ADAM11: variants seen among roughly 807,000 people sequenced by gnomAD.
ADAM11 encodes ADAM metallopeptidase domain 11.
In ADAM11, 49 loss-of-function variants were observed where a neutral mutation model predicts 119.1. That is an observed-to-expected ratio of 0.41 (90% CI 0.33 to 0.52). The LOEUF is 0.52. Among genes scored for constraint, ADAM11 ranks in the 20% least tolerant of loss-of-function variants. The probability of loss-of-function intolerance (pLI) is 0.20; values close to 1 mark genes in which losing one functional copy is unlikely to be tolerated. For synonymous variants in ADAM11, 364 were observed against 408.0 expected (o/e 0.89, Z 1.30); for missense variants, 777 against 1,047.5 (o/e 0.74, Z 3.56).
At chr17:44,759,638 G>T in intron 1 of ADAM11, 84 bp from the exon 2 acceptor site, 1 of 1,304,790 alleles carries the variant, frequency 7.7e-7, no homozygotes, top group Non-Finnish European at 9.8e-7. Flanking sequence ...ACACCAGAGT[G>T]GGGGATGAGG....
chr17:44,779,114 C>G lies in ADAM11; in HGVS notation c.2277-108C>G, dbSNP rs1240463856. ...GTGTCCAGGCCCCGGGGACCCCGGC[C>G]CCGCTCTGGGGCAAGGGGTCGCATG... On this transcript the variant is annotated intron_variant, in intron 25 of 26. Transcript: ENST00000200557. 3.4e-6 allele frequency: 5 copies of G among 1,451,040 alleles called. No homozygotes were observed. In the Admixed American group the frequency reaches 1.3e-4, roughly 37 times the overall value. 89.9% of individuals were successfully genotyped at this position (1,451,040 alleles called of 1,614,324 possible).
In ADAM11 at chr17:44,775,029, G is replaced by C. The variant is rs1398685084; in HGVS notation, c.1221-183G>C. Among the ~76,000 whole-genome samples, 1 of 152,248 alleles carries C rather than the reference G, an allele frequency of 6.6e-6. No homozygotes were observed. Among genetic ancestry groups the C allele is most frequent in the East Asian group, 1.9e-4 (1 of 5,192 alleles). On this transcript the variant is annotated intron_variant, in intron 14 of 26. Coordinates refer to ENST00000200557, the MANE Select transcript of ADAM11 (RefSeq NM_002390.6). The surrounding 1 kb of genome is among the most constrained non-coding windows in gnomAD (Gnocchi z 7.5). ...CTCCAGCGCGGCTGCGAGTCCCCAG[G>C]TTCAGCGGAGGGGATGGGAGCGACA...
At chr17:44,767,849 T>C (rs1244318868) in intron 2 of ADAM11, among the ~76,000 whole-genome samples, 5 of 152,230 alleles carry the variant, frequency 3.3e-5, no homozygotes. Flanking sequence ...GGGGACTGGC[T>C]TGGCCTCTGC....
Position 44,759,742 on chromosome 17 carries a change from G to C in ADAM11, c.82G>C (p.Ala28Pro). 2 of 1,326,234 alleles carry C rather than the reference G, an allele frequency of 1.5e-6. No individual in the cohort carries two copies. The highest frequency in any genetic ancestry group is 1.9e-6 in the Non-Finnish European group (2 of 1,030,690). The allele number at this position is 1,326,234 out of a possible 1,614,324, so 82.2% of individuals were successfully genotyped here. The part of the protein sequence containing the change: ...PTPGLGTQGP[A>P]GALRWGGLPQ... ...CCCAGGTCTTGGGACCCAAGGTCCT[G>C]CTGGAGCTCTGCGATGGGGGGGCTT... Residue 28 changes from alanine (A) to proline (P), a missense_variant, in exon 2 of 27, where the codon GCT (alanine) becomes CCT (proline). Coordinates refer to ENST00000200557, the MANE Select transcript of ADAM11 (RefSeq NM_002390.6).
rs777530431 is a variant in ADAM11 at position 44,777,939 on chromosome 17, G to A, written c.2071-13G>A. The stretch of plus-strand genomic sequence containing the variant: ...GCCCCTGCTCACCTCTCCTGGCCCT[G>A]CCCTGCCTCTAGGTCTGCAGCAATG... On this transcript the variant is annotated splice_polypyrimidine_tract_variant and intron_variant, in intron 23 of 26. Transcript: ENST00000200557. This position sits in a 1 kb window ranked among gnomAD's most constrained non-coding sequence, Gnocchi z 5.1. 3.1e-6 allele frequency: 5 copies of A among 1,613,862 alleles called. No individual in the cohort carries two copies. The South Asian group carries it at 4.4e-5, about 14-fold the overall frequency.
rs138411680 is a variant in ADAM11, at chr17:44,768,354, G to A, written c.238-1364G>A. On this transcript the variant is annotated intron_variant, in intron 2 of 26. Transcript: ENST00000200557. ...TAGGGTGAGTCGGTGTCCTTGGGGC[G>A]CAAAGGTCAGCCCACCCAGGCCCTG... Among the ~76,000 whole-genome samples the A allele has an allele frequency of 2.3e-3, 356 of 152,264 alleles. 1 individual carries two copies. Among genetic ancestry groups the A allele is most frequent in the African/African-American group, 8.4e-3 (349 of 41,552 alleles).
intron 26 of ADAM11, 105 bp downstream of exon 26, chr17:44,779,344 G>A (rs2049659306): frequency 7.4e-6 from 11 of 1,478,298 alleles, no homozygotes; most frequent in Non-Finnish European, 7.2e-6. Flanking sequence ...TGTTGATGGG[G>A]AGCGGGGGCT....
intron 2 of ADAM11, among the ~76,000 whole-genome samples, chr17:44,763,113 G>A (rs2049408590): frequency 6.6e-6 from 1 of 152,200 alleles, no homozygotes; most frequent in Admixed American, 6.5e-5. Flanking sequence ...TCCAACCTAG[G>A]CTACAGAGTG....
chr17:44,759,547 C>T, intron 1 of ADAM11, 175 bp from the exon 2 acceptor site: 1 of 1,253,816 alleles, frequency 8.0e-7, no homozygotes, highest in Non-Finnish European at 1.0e-6. Flanking sequence ...GAGTGAAGCT[C>T]CTGGCCCCCT....
rs1227680829 is a variant in ADAM11, at chr17:44,781,638, G to A, written c.*1884G>A. On this transcript the variant is annotated 3_prime_UTR_variant, in exon 27 of 27. Transcript: ENST00000200557. The stretch of plus-strand genomic sequence containing the variant: ...GGGAACATGAGACTTCCTGTGACCA[G>A]TCCACCCTGGCTCCCAGCTGTCTGT... 1 of 152,438 alleles carries A rather than the reference G, an allele frequency of 6.6e-6. No homozygotes were observed. The highest frequency in any genetic ancestry group is 2.4e-5 in the African/African-American group (1 of 41,466). The allele number at this position is 152,438 out of a possible 1,614,324, so 9.4% of individuals were successfully genotyped here.
chr17:44,775,686 AC>A lies in ADAM11; in HGVS notation c.1485+12del. 6.4e-7 allele frequency: 1 copy of A among 1,568,578 alleles called. No homozygotes were observed. Among genetic ancestry groups the A allele is most frequent in the South Asian group, 1.2e-5 (1 of 86,842 alleles). On this transcript the variant is annotated intron_variant, in intron 17 of 26. Transcript: ENST00000200557. The surrounding 1 kb of genome is among the most constrained non-coding windows in gnomAD (Gnocchi z 7.5). Reference sequence around the variant, plus strand: ...CTGTCGCCGCTGCAAGGTAAGCAGGACCGGCCGGGAGGCGGGGCCAGGACGC... The same window carrying A: ...CTGTCGCCGCTGCAAGGTAAGCAGGACGGCCGGGAGGCGGGGCCAGGACGC...
chr17:44,763,763 C>T (rs1412353121), intron 2 of ADAM11, among the ~76,000 whole-genome samples: 7 of 151,880 alleles, frequency 4.6e-5, no homozygotes, highest in South Asian at 2.1e-4. Flanking sequence ...GTCACCCAGG[C>T]TGGAGTGCAG....
At position 44,775,670 on chromosome 17, in the gene ADAM11, C is replaced by A; in HGVS notation, c.1479C>A (p.Arg493=). 3 of 1,584,014 alleles carry A rather than the reference C, an allele frequency of 1.9e-6. No individual in the cohort carries two copies. The highest frequency in any genetic ancestry group is 1.7e-6 in the Non-Finnish European group (2 of 1,167,050). ...AMCSDGLCCR[R]CKYEPRGVSC... ...GCAGCGACGGGCTCTGCTGTCGCCG[C>A]TGCAAGGTAAGCAGGACCGGCCGGG... Residue 493 remains arginine (R), a synonymous_variant, in exon 17 of 27, where the codon CGC becomes CGA. Transcript: ENST00000200557. This position sits in a 1 kb window ranked among gnomAD's most constrained non-coding sequence, Gnocchi z 7.5.
intron 1 of ADAM11, 130 bp downstream of exon 1, chr17:44,759,390 G>C: frequency 7.9e-7 from 1 of 1,263,402 alleles, no homozygotes; most frequent in Non-Finnish European, 1.0e-6. Flanking sequence ...GGGAGGGTAG[G>C]GGAGCGGGAG....
chr17:44,779,855 T>TC lies in ADAM11; in HGVS notation c.*103dup, dbSNP rs1252632094. On this transcript the variant is annotated 3_prime_UTR_variant, in exon 27 of 27. Coordinates refer to ENST00000200557, the MANE Select transcript of ADAM11 (RefSeq NM_002390.6). ...GGAGGGAGGCACCATGCAAATGTCT[T>TC]CCAGGTCCAAACCCTTCAACTCCTG... is the stretch of plus-strand genomic sequence containing the variant. 6.6e-7 allele frequency: 1 copy of TC among 1,509,338 alleles called. No individual in the cohort carries two copies. Among genetic ancestry groups the TC allele is most frequent in the Admixed American group, 1.7e-5 (1 of 59,072 alleles). 93.5% of individuals were successfully genotyped at this position (1,509,338 alleles called of 1,614,324 possible). A position where few individuals can be genotyped will look rare whatever the true frequency, so the allele number is the denominator to read the frequency against.
intron 2 of ADAM11, among the ~76,000 whole-genome samples, chr17:44,760,457 C>A (rs890835655): frequency 9.2e-5 from 14 of 152,220 alleles, no homozygotes; most frequent in Admixed American, 9.2e-4. Flanking sequence ...ACCTGCCTGC[C>A]CACTGTCCCT....
chr17:44,769,252 G>A (rs1366790368), intron 2 of ADAM11, among the ~76,000 whole-genome samples: 1 of 152,162 alleles, frequency 6.6e-6, no homozygotes, highest in Non-Finnish European at 1.5e-5. Context: ...GTAGATGGAG[G>A]CTGGGGCCGG....
intron 2 of ADAM11, among the ~76,000 whole-genome samples, 165 bp from the exon 3 acceptor site, chr17:44,769,553 A>G (rs1005956754): frequency 1.2e-4 from 18 of 152,258 alleles, no homozygotes; most frequent in African/African-American, 4.3e-4. Context: ...AGGGTCGTGG[A>G]GGAAGAGGAG....
rs1232066459 is a variant in ADAM11 at position 44,780,411 on chromosome 17, A to C, written c.*657A>C. 3.0e-6 allele frequency: 1 copy of C among 333,210 alleles called. No individual in the cohort carries two copies. The highest frequency in any genetic ancestry group is 5.8e-6 in the Non-Finnish European group (1 of 173,324). 20.6% of individuals were successfully genotyped at this position (333,210 alleles called of 1,614,324 possible). On this transcript the variant is annotated 3_prime_UTR_variant, in exon 27 of 27. Coordinates refer to ENST00000200557, the MANE Select transcript of ADAM11 (RefSeq NM_002390.6). Reference sequence around the variant, plus strand: ...GCTTAGCCCCGCTGAGCTTGGAGGAAGTATGAGTGCTGATTCAAACCAAAG... The same window carrying C: ...GCTTAGCCCCGCTGAGCTTGGAGGACGTATGAGTGCTGATTCAAACCAAAG...
Sources: gnomAD v4.1 joint callset for allele counts (sites outside exome capture counted in the v4.1 genomes callset) on GRCh38, gnomAD v4.1.1 for gene constraint, Gnocchi (gnomAD v3.1) non-coding constraint, MANE v1.5 for transcripts, NCBI Gene and HGNC (gene_info 2026-07-23, HGNC 2026-07-21) for gene names.